Variants in SLC14A2 observed in about 807,000 individuals in gnomAD.
SLC14A2 encodes the protein urea transporter 2.
In SLC14A2, 91 loss-of-function variants were observed where a neutral mutation model predicts 104.6. The observed-to-expected ratio is 0.87, with a 90% CI of 0.73 to 1.04. The LOEUF is 1.04. Among genes scored for constraint, SLC14A2 ranks in the 50% least tolerant of loss-of-function variants. The pLI, the probability that SLC14A2 is intolerant of heterozygous loss-of-function variation, is 0.00. For missense variants in SLC14A2, 1,189 were observed against 1,156.0 expected, an observed-to-expected ratio of 1.03 and a Z score of -0.41; for synonymous variants, 476 against 466.4, an observed-to-expected ratio of 1.02 and a Z score of -0.27.
intron 1 of SLC14A2, among the ~76,000 whole-genome samples, chr18:45,232,209 G>C (rs2084181709): frequency 6.6e-6 from 1 of 152,208 alleles, no homozygotes; most frequent in East Asian, 1.9e-4. Context: ...AGGAAGCATG[G>C]CTGTGAGGCA....
intron 2 of SLC14A2, among the ~76,000 whole-genome samples, chr18:45,533,490 G>A (rs953602628): frequency 1.6e-4 from 24 of 152,196 alleles, no homozygotes; most frequent in African/African-American, 4.8e-4. Flanking sequence ...TTGCATAGAG[G>A]TGTTTATAGT....
At chr18:45,590,171 G>A (rs1378084241) in intron 2 of SLC14A2, among the ~76,000 whole-genome samples, 2 of 152,164 alleles carry the variant, frequency 1.3e-5, no homozygotes, top group African/African-American at 4.8e-5. Context: ...GGAGTAACTT[G>A]CCCAGGGTCC....
At chr18:45,650,706 C>A (rs2045718863) in intron 10 of SLC14A2, among the ~76,000 whole-genome samples, 1 of 151,692 alleles carries the variant, frequency 6.6e-6, no homozygotes, top group Non-Finnish European at 1.5e-5. Context: ...CACTGAAATT[C>A]ACAGCACCAC....
chr18:45,384,659 C>T (rs2085874903), intron 1 of SLC14A2, among the ~76,000 whole-genome samples: 1 of 152,056 alleles, frequency 6.6e-6, no homozygotes, highest in South Asian at 2.1e-4. Flanking sequence ...AGTGCCTCTC[C>T]CCCCGACAAC....
intron 2 of SLC14A2, among the ~76,000 whole-genome samples, chr18:45,545,863 T>C (rs189692977): frequency 6.6e-6 from 1 of 152,338 alleles, no homozygotes; most frequent in African/African-American, 2.4e-5. Flanking sequence ...ATTTATATAT[T>C]TTTTCTTTCA....
chr18:45,590,470 G>A (rs2044632573), intron 2 of SLC14A2, among the ~76,000 whole-genome samples: 1 of 152,202 alleles, frequency 6.6e-6, no homozygotes, highest in Non-Finnish European at 1.5e-5. Flanking sequence ...AGAACAGGGT[G>A]AGGAGTCTCT....
rs548543883 is a variant in SLC14A2, at chr18:45,617,047, G to A, written c.-35+1465G>A. On this transcript the variant is annotated intron_variant, in intron 1 of 19. Transcript: ENST00000255226. ...CGGGAGGTGGAGGTTGCAGGGAGCC[G>A]AGATTGCGCCACTGCACTCTAGCCT... 4.6e-5 allele frequency among the ~76,000 whole-genome samples: 7 copies of A among 152,238 alleles called. No individual in the cohort carries two copies. In the South Asian group the frequency reaches 8.3e-4, roughly 18 times the overall value.
At chr18:45,637,811 C>CA (rs1229100590) in intron 6 of SLC14A2, among the ~76,000 whole-genome samples, 1 of 152,002 alleles carries the variant, frequency 6.6e-6, no homozygotes, top group Non-Finnish European at 1.5e-5. Flanking sequence ...TTTGTTTAAT[C>CA]AGCTTATTGT....
At chr18:45,323,009 G>A (rs575829813) in intron 1 of SLC14A2, among the ~76,000 whole-genome samples, 1 of 152,306 alleles carries the variant, frequency 6.6e-6, no homozygotes, top group African/African-American at 2.4e-5. Context: ...TTTTCGTCCT[G>A]TTTGATGTAA....
intron 1 of SLC14A2, among the ~76,000 whole-genome samples, chr18:45,615,792 T>G (rs2045056390): frequency 6.6e-6 from 1 of 151,622 alleles, no homozygotes; most frequent in Admixed American, 6.6e-5. Flanking sequence ...TAAGTATGTG[T>G]GCATGTGTGT....
intron 1 of SLC14A2, among the ~76,000 whole-genome samples, chr18:45,239,551 C>T (rs1218160199): frequency 6.6e-6 from 1 of 152,236 alleles, no homozygotes; most frequent in Non-Finnish European, 1.5e-5. Flanking sequence ...CTTGATGCTG[C>T]TGAAAATCAT....
At chr18:45,181,825 C>G in the SLC14A2 span, among the ~76,000 whole-genome samples, 1 of 151,972 alleles carries the variant, frequency 6.6e-6, no homozygotes, top group African/African-American at 2.4e-5. Flanking sequence ...CTGTGCGACT[C>G]TTTATTAAGT....
At chr18:45,385,835 T>C (rs948551300) in intron 1 of SLC14A2, among the ~76,000 whole-genome samples, 1 of 152,082 alleles carries the variant, frequency 6.6e-6, no homozygotes, top group Non-Finnish European at 1.5e-5. Context: ...AGGGGTTATA[T>C]AGAAAAGTAA....
intron 1 of SLC14A2, among the ~76,000 whole-genome samples, chr18:45,388,578 G>C (rs1315021383): frequency 6.6e-6 from 1 of 152,048 alleles, no homozygotes; most frequent in Non-Finnish European, 1.5e-5. Flanking sequence ...GCGAATACCT[G>C]GGGTTGAAGA....
At chr18:45,670,637 G>C (rs7236929) in intron 16 of SLC14A2, among the ~76,000 whole-genome samples, 9 of 152,182 alleles carry the variant, frequency 5.9e-5, no homozygotes, top group African/African-American at 1.9e-4. Flanking sequence ...CCAGTATTTA[G>C]CAAGAAAACT....
chr18:45,245,491 T>C (rs16978311), intron 1 of SLC14A2, among the ~76,000 whole-genome samples: 4,745 of 152,294 alleles, frequency 0.031, 266 homozygotes, highest in African/African-American at 0.11. Context: ...CAGTGTAATT[T>C]CATCAGAGGC....
intron 1 of SLC14A2, among the ~76,000 whole-genome samples, chr18:45,454,235 C>T (rs1292754976): frequency 1.3e-5 from 2 of 152,186 alleles, no homozygotes; most frequent in Non-Finnish European, 1.5e-5. Context: ...ACATTCTAAT[C>T]CTCAACTTCC....
intron 1 of SLC14A2, among the ~76,000 whole-genome samples, chr18:45,393,492 A>G (rs181403391): frequency 3.9e-5 from 6 of 152,316 alleles, no homozygotes. Flanking sequence ...ATTTTTCTCT[A>G]CAGAAAGGAT....
At chr18:45,307,343 G>A (rs529829696) in intron 1 of SLC14A2, among the ~76,000 whole-genome samples, 23 of 148,766 alleles carry the variant, frequency 1.5e-4, no homozygotes, top group South Asian at 1.1e-3. Context: ...GCTTGAACCC[G>A]GGAGGTGGAG....
Sources: allele counts gnomAD v4.1 joint callset (sites outside exome capture counted in the v4.1 genomes callset), GRCh38; gene constraint gnomAD v4.1.1; transcripts MANE v1.5; gene names NCBI Gene and HGNC (gene_info 2026-07-23, HGNC 2026-07-21).